PRRX1: variants seen among roughly 807,000 people sequenced by gnomAD.
The protein encoded by PRRX1 is paired related homeobox 1.
A neutral mutation model predicts 24.0 loss-of-function variants in PRRX1; 8 were observed. That is an observed-to-expected ratio of 0.33 (90% CI 0.20 to 0.60). The LOEUF (loss-of-function observed/expected upper bound fraction) is 0.60. Ranked by LOEUF, PRRX1 falls within the 20% of genes least tolerant of loss-of-function variation. The pLI is 0.82. For synonymous variants in PRRX1, 160 were observed against 131.7 expected (o/e 1.22, Z -1.47); for missense variants, 281 against 322.4 (o/e 0.87, Z 0.98).
At chr1:170,693,866 A>G (rs1016760165) in intron 1 of PRRX1, among the ~76,000 whole-genome samples, 9 of 152,240 alleles carry the variant, frequency 5.9e-5, no homozygotes, top group African/African-American at 2.2e-4. Context: ...GGGTCTGCAT[A>G]GTATACAACT....
chr1:170,716,831 T>C (rs771310771), intron 1 of PRRX1, among the ~76,000 whole-genome samples: 1 of 152,218 alleles, frequency 6.6e-6, no homozygotes, highest in Non-Finnish European at 1.5e-5. Context: ...AAGAATCTGA[T>C]AAATGTGTTT....
intron 1 of PRRX1, among the ~76,000 whole-genome samples, chr1:170,705,917 G>GACACACACACACAC (rs72161621): frequency 2.3e-4 from 29 of 123,766 alleles, no homozygotes; most frequent in South Asian, 2.2e-3. Context: ...TACCCACATA[G>GACACACACACACAC]ACACACACAC....
chr1:170,710,980 A>G (rs1405091250), intron 1 of PRRX1, among the ~76,000 whole-genome samples: 1 of 152,248 alleles, frequency 6.6e-6, no homozygotes, highest in Non-Finnish European at 1.5e-5. Flanking sequence ...AGAAATTGAA[A>G]GCTTCAGATG....
intron 1 of PRRX1, among the ~76,000 whole-genome samples, chr1:170,710,026 C>T (rs1048719983): frequency 6.6e-6 from 1 of 152,106 alleles, no homozygotes; most frequent in African/African-American, 2.4e-5. Flanking sequence ...TAGAGGTAAA[C>T]TAATGTCTTC....
At chr1:170,721,583 T>A (rs527431098) in intron 2 of PRRX1, among the ~76,000 whole-genome samples, 1 of 152,104 alleles carries the variant, frequency 6.6e-6, no homozygotes, top group East Asian at 1.9e-4. Context: ...AAGAAAAATG[T>A]CAGTGACAAA....
chr1:170,693,127 T>C (rs1454061222), intron 1 of PRRX1, among the ~76,000 whole-genome samples: 3 of 152,208 alleles, frequency 2.0e-5, no homozygotes, highest in African/African-American at 4.8e-5. Flanking sequence ...TTAATATTTG[T>C]AGCATTCTCA....
chr1:170,670,944 C>G (rs919150137), intron 1 of PRRX1, among the ~76,000 whole-genome samples: 3 of 152,106 alleles, frequency 2.0e-5, no homozygotes, highest in Non-Finnish European at 2.9e-5. Context: ...TCGTCTGGTA[C>G]TGGATGTCCC....
intron 1 of PRRX1, among the ~76,000 whole-genome samples, chr1:170,679,650 C>T (rs527525356): frequency 5.6e-4 from 86 of 152,234 alleles, no homozygotes; most frequent in African/African-American, 2.0e-3. Flanking sequence ...CCGCCCACCT[C>T]GGCCTCCCAA....
chr1:170,681,545 A>G (rs902369650), intron 1 of PRRX1, among the ~76,000 whole-genome samples: 1 of 152,132 alleles, frequency 6.6e-6, no homozygotes, highest in Non-Finnish European at 1.5e-5. Context: ...TCAGATAAGC[A>G]GCAAATCTGA....
Position 170,699,541 on chromosome 1 carries a change from C to G in PRRX1, c.242-20185C>G, listed in dbSNP as rs147618763. On this transcript the variant is annotated intron_variant, in intron 1 of 3. Transcript: ENST00000239461. ...CAATGGGATTGGGGAAAGGCTTCCC[C>G]AAGGGTCTGTGCACCACAAGACTGA... 5.9e-5 allele frequency among the ~76,000 whole-genome samples: 9 copies of G among 152,018 alleles called. No homozygotes were observed. The East Asian group carries it at 1.7e-3, about 29-fold the overall frequency.
At chr1:170,684,241 T>G (rs1386310629) in intron 1 of PRRX1, among the ~76,000 whole-genome samples, 2 of 152,210 alleles carry the variant, frequency 1.3e-5, no homozygotes, top group Admixed American at 1.3e-4. Flanking sequence ...CTTCCAGTCT[T>G]TTATTCTCTA....
intron 1 of PRRX1, among the ~76,000 whole-genome samples, chr1:170,715,810 A>G (rs1334081077): frequency 1.3e-5 from 2 of 152,182 alleles, no homozygotes; most frequent in Admixed American, 1.3e-4. Context: ...ATATTCATCG[A>G]CCCTCTTTCT....
At chr1:170,680,640 T>C (rs1339505486) in intron 1 of PRRX1, among the ~76,000 whole-genome samples, 1 of 152,232 alleles carries the variant, frequency 6.6e-6, no homozygotes, top group Admixed American at 6.5e-5. Context: ...TGTTGCATAA[T>C]TAAGTACGTC....
chr1:170,679,930 AT>A (rs1365426322), intron 1 of PRRX1, among the ~76,000 whole-genome samples: 3 of 152,096 alleles, frequency 2.0e-5, no homozygotes, highest in African/African-American at 7.2e-5. Flanking sequence ...CTATTTTGAA[AT>A]TTTGTTTACT....
At chr1:170,684,459 A>G (rs948051076) in intron 1 of PRRX1, among the ~76,000 whole-genome samples, 1 of 152,258 alleles carries the variant, frequency 6.6e-6, no homozygotes, top group African/African-American at 2.4e-5. Context: ...TTGCTTTTAA[A>G]GATTTGGAAT....
chr1:170,682,979 G>A lies in PRRX1; in HGVS notation c.241+18520G>A, dbSNP rs185170074. Among the ~76,000 whole-genome samples the A allele has an allele frequency of 1.1e-4, 17 of 152,250 alleles. No individual in the cohort carries two copies. In the East Asian group the frequency reaches 2.7e-3, roughly 24 times the overall value. Reference sequence around the variant, plus strand: ...CTTTATAGCCAAGGAACAGAAAGAAGGTCAATGTGACTGGAAGATAGTAAG... The same window carrying A: ...CTTTATAGCCAAGGAACAGAAAGAAAGTCAATGTGACTGGAAGATAGTAAG... On this transcript the variant is annotated intron_variant, in intron 1 of 3. Coordinates refer to ENST00000239461, the MANE Select transcript of PRRX1 (RefSeq NM_022716.4).
At chr1:170,671,196 G>A (rs1362570303) in intron 1 of PRRX1, among the ~76,000 whole-genome samples, 2 of 152,226 alleles carry the variant, frequency 1.3e-5, no homozygotes, top group African/African-American at 4.8e-5. Context: ...TTAACGGGCA[G>A]AGAGAGAATA....
At chr1:170,714,892 G>C (rs2101913886) in intron 1 of PRRX1, among the ~76,000 whole-genome samples, 1 of 151,850 alleles carries the variant, frequency 6.6e-6, no homozygotes, top group African/African-American at 2.4e-5. Flanking sequence ...GCCTACCTTG[G>C]GCTTACAGTC....
Position 170,737,816 on chromosome 1 carries a change from A to T in PRRX1, c.*1630A>T, listed in dbSNP as rs1456878166. ...GGGATTAATAATACTTACCTACCTC[A>T]CAGGGGTGTTGTGAGGCTCTATTCA... On this transcript the variant is annotated 3_prime_UTR_variant, in exon 4 of 4. Transcript: ENST00000239461. 1 of 215,448 alleles carries T rather than the reference A, an allele frequency of 4.6e-6. No individual in the cohort carries two copies. Among genetic ancestry groups the T allele is most frequent in the African/African-American group, 2.3e-5 (1 of 44,238 alleles). 13.3% of individuals were successfully genotyped at this position (215,448 alleles called of 1,614,324 possible).
Sources: gnomAD v4.1 joint callset for allele counts (sites outside exome capture counted in the v4.1 genomes callset) on GRCh38, gnomAD v4.1.1 for gene constraint, MANE v1.5 for transcripts, NCBI Gene and HGNC (gene_info 2026-07-23, HGNC 2026-07-21) for gene names.